Variants in DKK2 observed in about 807,000 individuals in gnomAD.
DKK2 encodes the protein dickkopf-related protein 2.
Under a neutral mutation model 28.1 loss-of-function variants are expected in DKK2, and 11 were observed. That is an observed-to-expected ratio of 0.39 (90% CI 0.25 to 0.65). The LOEUF is 0.65. DKK2 is among the 30% of genes least tolerant of loss of function. DKK2 has a pLI of 0.47. For synonymous variants in DKK2, 135 were observed against 126.5 expected, an observed-to-expected ratio of 1.07 and a Z score of -0.45; for missense variants, 326 against 335.5, an observed-to-expected ratio of 0.97 and a Z score of 0.22.
At chr4:106,987,343 GTCAATTATC>G (rs563582362) in intron 1 of DKK2, among the ~76,000 whole-genome samples, 213 of 152,208 alleles carry the variant, frequency 1.4e-3, no homozygotes, top group African/African-American at 4.8e-3. Flanking sequence ...GTGTGCCTTG[GTCAATTATC>G]TCATTTGAAA....
rs753403226 is a variant in DKK2 at position 107,035,518 on chromosome 4, C to G, written c.74G>C (p.Ser25Thr). The change falls in exon 1 of 4, where the codon AGC becomes ACC. Residue 25 changes from serine (S) to threonine (T), a missense_variant. Ser to Thr is a moderately conservative substitution (Grantham distance 58). Coordinates refer to ENST00000285311, the MANE Select transcript of DKK2 (RefSeq NM_014421.3). The part of the protein sequence containing the change: ...LLLAAVLMVE[S>T]SQIGSSRAKL... ...GGCCCGCGAACTGCCGATCTGTGAGCTCTCCACCATCAGCACCGCGGCCAG... is the reference window on the plus strand; with the variant it reads ...GGCCCGCGAACTGCCGATCTGTGAGGTCTCCACCATCAGCACCGCGGCCAG... 1.9e-6 allele frequency: 3 copies of G among 1,614,004 alleles called. No individual in the cohort carries two copies. Among genetic ancestry groups the G allele is most frequent in the Admixed American group, 3.3e-5 (2 of 59,992 alleles).
At chr4:106,957,915 T>G (rs1453827662) in intron 1 of DKK2, among the ~76,000 whole-genome samples, 3 of 144,266 alleles carry the variant, frequency 2.1e-5, no homozygotes, top group African/African-American at 7.8e-5. Context: ...ATAATTAAAA[T>G]TAATTAATTA....
At chr4:107,012,689 T>A (rs988262869) in intron 1 of DKK2, among the ~76,000 whole-genome samples, 2 of 151,306 alleles carry the variant, frequency 1.3e-5, no homozygotes, top group Admixed American at 6.6e-5. Context: ...AACTGCATTC[T>A]CTAAGGTCCA....
chr4:107,012,099 C>T (rs1272977779), intron 1 of DKK2, among the ~76,000 whole-genome samples: 1 of 151,230 alleles, frequency 6.6e-6, no homozygotes, highest in Non-Finnish European at 1.5e-5. Flanking sequence ...TTTAATCACA[C>T]CCTCCATGTG....
At chr4:106,962,240 T>C (rs113295733) in intron 1 of DKK2, among the ~76,000 whole-genome samples, 1,623 of 152,282 alleles carry the variant, frequency 0.011, 14 homozygotes, top group Non-Finnish European at 0.017. Context: ...AATATTGTTT[T>C]CACTCATCAC....
At position 106,924,133 on chromosome 4, in the gene DKK2, T is replaced by G; in HGVS notation, c.601A>C (p.Thr201Pro). 1 of 1,613,964 alleles carries G rather than the reference T, an allele frequency of 6.2e-7. No individual in the cohort carries two copies. The highest frequency in any genetic ancestry group is 8.5e-7 in the Non-Finnish European group (1 of 1,179,916). The change falls in exon 4 of 4, where the codon ACC becomes CCC. Residue 201 changes from threonine to proline, a missense_variant. By Grantham distance (38) the Thr-to-Pro change is conservative. Coordinates refer to ENST00000285311, the MANE Select transcript of DKK2 (RefSeq NM_014421.3). The stretch of plus-strand genomic sequence containing the variant: ...TGGAGCACTGGTTTGCAGATTTTGG[T>G]CCAGAAATGACGAGCACAGCAAAAC... ...EGFCCARHFWTKICKPVLHQG... is the reference protein window; with the variant it reads ...EGFCCARHFWPKICKPVLHQG...
chr4:106,939,130 G>A (rs201310462), intron 1 of DKK2, among the ~76,000 whole-genome samples: 1 of 152,118 alleles, frequency 6.6e-6, no homozygotes, highest in African/African-American at 2.4e-5. Context: ...GGCAGGAGAA[G>A]GAAATAAAGG....
At chr4:106,937,436 A>G (rs1724611490) in intron 1 of DKK2, among the ~76,000 whole-genome samples, 1 of 128,416 alleles carries the variant, frequency 7.8e-6, no homozygotes, top group East Asian at 2.2e-4. Flanking sequence ...ATATATATGC[A>G]CCCAATACAG....
At chr4:106,982,118 T>A (rs575990235) in intron 1 of DKK2, among the ~76,000 whole-genome samples, 1 of 152,332 alleles carries the variant, frequency 6.6e-6, no homozygotes, top group African/African-American at 2.4e-5. Flanking sequence ...ATGACAAGGA[T>A]AAAAATTTAT....
At chr4:106,976,621 C>T (rs1722949574) in intron 1 of DKK2, among the ~76,000 whole-genome samples, 1 of 152,070 alleles carries the variant, frequency 6.6e-6, no homozygotes. Context: ...TTATTTTAAG[C>T]ATATATGTGT....
intron 1 of DKK2, among the ~76,000 whole-genome samples, chr4:106,946,445 A>T (rs1196096218): frequency 1.3e-5 from 2 of 152,122 alleles, no homozygotes; most frequent in African/African-American, 4.8e-5. Context: ...TGTTGAAGTT[A>T]TAGAACTGGC....
At chr4:106,976,873 G>A (rs1029417015) in intron 1 of DKK2, among the ~76,000 whole-genome samples, 1 of 151,410 alleles carries the variant, frequency 6.6e-6, no homozygotes, top group Non-Finnish European at 1.5e-5. Flanking sequence ...GTAGTGGCTT[G>A]TACTGTTTTT....
At chr4:107,017,040 G>A (rs568497977) in intron 1 of DKK2, among the ~76,000 whole-genome samples, 2 of 152,100 alleles carry the variant, frequency 1.3e-5, no homozygotes, top group African/African-American at 2.4e-5. Flanking sequence ...AGGACGAAAT[G>A]TCATACTCAT....
At chr4:107,014,123 A>G (rs1404411920) in intron 1 of DKK2, among the ~76,000 whole-genome samples, 1 of 151,528 alleles carries the variant, frequency 6.6e-6, no homozygotes. Flanking sequence ...TGATACAGCA[A>G]TTCCATTTCT....
intron 1 of DKK2, among the ~76,000 whole-genome samples, chr4:107,014,732 G>C (rs1028965543): frequency 6.6e-6 from 1 of 151,524 alleles, no homozygotes; most frequent in Non-Finnish European, 1.5e-5. Flanking sequence ...ATGTTCACAT[G>C]TATTGAAACA....
chr4:107,002,438 A>G (rs1038986357), intron 1 of DKK2, among the ~76,000 whole-genome samples: 9 of 152,168 alleles, frequency 5.9e-5, no homozygotes, highest in Non-Finnish European at 1.3e-4. Flanking sequence ...TTTTACAAAG[A>G]TATGGCTTTA....
intron 1 of DKK2, among the ~76,000 whole-genome samples, chr4:106,993,217 T>A (rs1723228921): frequency 6.6e-6 from 1 of 152,236 alleles, no homozygotes; most frequent in Non-Finnish European, 1.5e-5. Context: ...CTTGGACAAA[T>A]ACTGAAAGAA....
intron 1 of DKK2, among the ~76,000 whole-genome samples, chr4:107,026,352 GTAAA>G (rs1382213680): frequency 3.9e-5 from 6 of 152,002 alleles, no homozygotes; most frequent in Non-Finnish European, 5.9e-5. Context: ...TTTATGAAAA[GTAAA>G]TAGCAAAAAA....
intron 1 of DKK2, among the ~76,000 whole-genome samples, chr4:106,960,147 TATAC>T (rs1365944805): frequency 1.5e-4 from 23 of 149,824 alleles, no homozygotes; most frequent in African/African-American, 5.6e-4. Context: ...CACACATATA[TATAC>T]ATATATACAC....
Sources: allele counts gnomAD v4.1 joint callset (sites outside exome capture counted in the v4.1 genomes callset), GRCh38; gene constraint gnomAD v4.1.1; transcripts MANE v1.5; gene names NCBI Gene and HGNC (gene_info 2026-07-23, HGNC 2026-07-21).